Variants in GNB4 observed in about 807,000 individuals in gnomAD.
GNB4 encodes the protein G protein subunit beta 4.
In GNB4, 28 loss-of-function variants were observed where a neutral mutation model predicts 45.2. The ratio of observed to expected loss-of-function variants is 0.62; its 90% CI spans 0.46 to 0.85. GNB4 has a LOEUF of 0.85. Ranked by LOEUF, GNB4 falls within the 40% of genes least tolerant of loss-of-function variation. The pLI is 0.00. For missense variants in GNB4, 321 were observed against 425.4 expected (o/e 0.75, Z 2.16); for synonymous variants, 132 against 143.7 (o/e 0.92, Z 0.58).
the GNB4 span, among the ~76,000 whole-genome samples, chr3:179,519,465 CT>C: frequency 6.6e-6 from 1 of 152,180 alleles, no homozygotes; most frequent in Non-Finnish European, 1.5e-5. Context: ...ACATTACCTT[CT>C]TTTCAAGGGC....
the GNB4 span, among the ~76,000 whole-genome samples, chr3:179,476,523 A>T: frequency 6.6e-6 from 1 of 152,084 alleles, no homozygotes; most frequent in Admixed American, 6.6e-5. Context: ...ATCCACTCGG[A>T]ATTGCTCTAG....
intron 2 of GNB4, among the ~76,000 whole-genome samples, chr3:179,423,753 C>T (rs1715062509): frequency 6.6e-6 from 1 of 151,572 alleles, no homozygotes; most frequent in Admixed American, 6.6e-5. Flanking sequence ...TGCACTCCAG[C>T]CTGGGCGACT....
At chr3:179,516,526 G>A in the GNB4 span, among the ~76,000 whole-genome samples, 5 of 152,152 alleles carry the variant, frequency 3.3e-5, no homozygotes, top group African/African-American at 1.2e-4. Context: ...AAGGGAGGGG[G>A]CCTGAACAAT....
chr3:179,525,787 G>T, the GNB4 span, among the ~76,000 whole-genome samples: 2 of 152,006 alleles, frequency 1.3e-5, no homozygotes, highest in African/African-American at 4.8e-5. Flanking sequence ...AGCGAGAGAG[G>T]CTGGAGAAGA....
chr3:179,446,652 A>C (rs1376771085), intron 1 of GNB4, among the ~76,000 whole-genome samples: 1 of 152,118 alleles, frequency 6.6e-6, no homozygotes, highest in Non-Finnish European at 1.5e-5. Context: ...TTCTTGACCT[A>C]TTCTACTCAC....
At chr3:179,442,580 GACC>G (rs997612906) in intron 1 of GNB4, among the ~76,000 whole-genome samples, 2 of 150,940 alleles carry the variant, frequency 1.3e-5, no homozygotes, top group Admixed American at 6.6e-5. Context: ...TTTTTTATAC[GACC>G]ACATGTAGTT....
chr3:179,507,901 C>A, the GNB4 span, among the ~76,000 whole-genome samples: 2 of 152,186 alleles, frequency 1.3e-5, no homozygotes, highest in African/African-American at 4.8e-5. Flanking sequence ...GCACAAAAAA[C>A]GTTGATGTTA....
At chr3:179,520,513 G>A in the GNB4 span, among the ~76,000 whole-genome samples, 2 of 152,138 alleles carry the variant, frequency 1.3e-5, no homozygotes, top group African/African-American at 4.8e-5. Flanking sequence ...TGCGGTGGCT[G>A]CCGCCGCCCT....
chr3:179,409,308 C>A (rs567257625), intron 8 of GNB4, among the ~76,000 whole-genome samples: 3 of 148,458 alleles, frequency 2.0e-5, no homozygotes, highest in African/African-American at 7.5e-5. Flanking sequence ...GTCGGGAGTT[C>A]GAGACCAGCC....
the GNB4 span, among the ~76,000 whole-genome samples, chr3:179,462,833 TC>T: frequency 1.4e-4 from 21 of 152,168 alleles, no homozygotes; most frequent in East Asian, 9.6e-4. Context: ...TGAAACTCCG[TC>T]CCCAAAAAAA....
At chr3:179,404,415 G>A (rs1714402011) in intron 9 of GNB4, among the ~76,000 whole-genome samples, 1 of 152,020 alleles carries the variant, frequency 6.6e-6, no homozygotes, top group African/African-American at 2.4e-5. Context: ...GTTATTTAGA[G>A]ATATGTAAGT....
intron 1 of GNB4, among the ~76,000 whole-genome samples, chr3:179,430,620 ATTTT>A (rs34316813): frequency 2.4e-4 from 32 of 135,788 alleles, no homozygotes; most frequent in African/African-American, 8.3e-4. Flanking sequence ...TGCCTGGCTA[ATTTT>A]TTTTTTTTTT....
At chr3:179,476,226 A>G in the GNB4 span, among the ~76,000 whole-genome samples, 1 of 152,250 alleles carries the variant, frequency 6.6e-6, no homozygotes, top group Non-Finnish European at 1.5e-5. Flanking sequence ...TGGGCAAGAA[A>G]GGGGTAACTG....
At chr3:179,430,071 G>GAGAGACAGAC (rs761132897) in intron 1 of GNB4, among the ~76,000 whole-genome samples, 139 of 142,362 alleles carry the variant, frequency 9.8e-4, no homozygotes, top group Non-Finnish European at 1.7e-4. Context: ...GACTGAGAGA[G>GAGAGACAGAC]AGACAGACAG....
At chr3:179,453,563 G>A (rs1168896387), upstream of GNB4, among the ~76,000 whole-genome samples, 1 of 152,176 alleles carries the variant, frequency 6.6e-6, no homozygotes, top group Non-Finnish European at 1.5e-5. Flanking sequence ...AACACAGTGG[G>A]AAGCAATGAG....
chr3:179,509,728 C>T, the GNB4 span, among the ~76,000 whole-genome samples: 1 of 151,742 alleles, frequency 6.6e-6, no homozygotes, highest in East Asian at 1.9e-4. Flanking sequence ...ACTATCAAGC[C>T]TTAGCAAGCA....
chr3:179,505,613 G>A, the GNB4 span, among the ~76,000 whole-genome samples: 8 of 152,078 alleles, frequency 5.3e-5, no homozygotes, highest in African/African-American at 1.2e-4. Flanking sequence ...TCAATGAGTC[G>A]GTGTCTCTCC....
chr3:179,502,265 G>T, the GNB4 span, among the ~76,000 whole-genome samples: 78 of 67,502 alleles, frequency 1.2e-3, no homozygotes, highest in African/African-American at 4.5e-3. Context: ...AGGGAGTTTT[G>T]CTCTGTCGCC....
intron 1 of GNB4, among the ~76,000 whole-genome samples, chr3:179,428,846 C>A (rs1715222176): frequency 6.6e-6 from 1 of 152,148 alleles, no homozygotes; most frequent in African/African-American, 2.4e-5. Flanking sequence ...CAAAGCCACA[C>A]ACACATACCA....
Sources: gnomAD v4.1 joint callset for allele counts (sites outside exome capture counted in the v4.1 genomes callset) on GRCh38, gnomAD v4.1.1 for gene constraint, MANE v1.5 for transcripts, NCBI Gene and HGNC (gene_info 2026-07-23, HGNC 2026-07-21) for gene names.